The following SH3KBP1 variants were observed in gnomAD, a reference collection of about 807,000 sequenced individuals.
SH3KBP1 encodes the protein SH3 domain containing kinase binding protein 1.
In SH3KBP1, 8 loss-of-function variants were observed where a neutral mutation model predicts 50.1. The ratio of observed to expected loss-of-function variants is 0.16; its 90% CI spans 0.09 to 0.29. The LOEUF is 0.29. Among genes scored for constraint, SH3KBP1 ranks in the 10% least tolerant of loss-of-function variants. The pLI is 1.00. For missense variants in SH3KBP1, 377 were observed against 535.2 expected (o/e 0.70, Z 2.92); for synonymous variants, 227 against 218.6 (o/e 1.04, Z -0.34).
chrX:19,713,220 AAAAAC>A (rs2063820865), intron 3 of SH3KBP1, among the ~76,000 whole-genome samples: 1 of 110,976 alleles, frequency 9.0e-6, no homozygotes, highest in Admixed American at 9.5e-5. Context: ...CTGTCTCAAA[AAAAAC>A]AAAACAAACA....
chrX:19,856,019 T>C (rs142745357), intron 1 of SH3KBP1, among the ~76,000 whole-genome samples: 11 of 111,322 alleles, frequency 9.9e-5, no homozygotes, highest in Admixed American at 3.8e-4. Flanking sequence ...ACTTAGGGTT[T>C]CTGCAGATAG....
chrX:19,885,823 G>A (rs1318987054), intron 1 of SH3KBP1, among the ~76,000 whole-genome samples: 1 of 111,175 alleles, frequency 9.0e-6, no homozygotes, highest in East Asian at 2.8e-4. Flanking sequence ...CAAAACAAGA[G>A]TGAGCTAAGT....
intron 2 of SH3KBP1, among the ~76,000 whole-genome samples, chrX:19,818,942 A>T (rs1051259037): frequency 2.7e-5 from 3 of 111,964 alleles, no homozygotes; most frequent in African/African-American, 9.7e-5. Flanking sequence ...GAATTGGGAC[A>T]CATTCCCTCC....
intron 2 of SH3KBP1, among the ~76,000 whole-genome samples, chrX:19,828,734 T>C (rs1476754654): frequency 9.0e-6 from 1 of 111,439 alleles, no homozygotes; most frequent in African/African-American, 3.3e-5. Flanking sequence ...CAGTGAGCTA[T>C]GATCCCACCC....
intron 8 of SH3KBP1, among the ~76,000 whole-genome samples, chrX:19,621,854 G>A (rs755098992): frequency 2.7e-5 from 3 of 111,294 alleles, no homozygotes; most frequent in East Asian, 2.8e-4. Flanking sequence ...ATCCTTATAC[G>A]CATCCATGCA....
At chrX:19,629,128 A>G (rs999900320) in intron 8 of SH3KBP1, among the ~76,000 whole-genome samples, 2 of 110,355 alleles carry the variant, frequency 1.8e-5, no homozygotes, top group Admixed American at 9.7e-5. Flanking sequence ...AAAGCAAAAC[A>G]AACAAAAAAT....
intron 2 of SH3KBP1, among the ~76,000 whole-genome samples, chrX:19,779,877 G>A (rs1418708113): frequency 1.5e-4 from 15 of 96,868 alleles, no homozygotes; most frequent in East Asian, 3.4e-4. Context: ...GAATAATGCC[G>A]CAATAAACAT....
chrX:19,676,860 G>T (rs1429577818), intron 6 of SH3KBP1, among the ~76,000 whole-genome samples: 1 of 112,129 alleles, frequency 8.9e-6, no homozygotes, highest in Non-Finnish European at 1.9e-5. Context: ...TGAAAAAGAG[G>T]CTGTTACAAA....
At chrX:19,677,233 C>T (rs2062950008) in intron 6 of SH3KBP1, among the ~76,000 whole-genome samples, 1 of 111,369 alleles carries the variant, frequency 9.0e-6, no homozygotes, top group Non-Finnish European at 1.9e-5. Flanking sequence ...CCTGACACTC[C>T]TTTCCCTAAG....
chrX:19,756,381 G>A (rs1466716888), intron 2 of SH3KBP1, among the ~76,000 whole-genome samples: 3 of 110,981 alleles, frequency 2.7e-5, no homozygotes, highest in African/African-American at 9.8e-5. Context: ...GGGGCTATGA[G>A]GACCCCAAGA....
intron 2 of SH3KBP1, among the ~76,000 whole-genome samples, chrX:19,797,205 T>A: frequency 9.0e-6 from 1 of 111,560 alleles, no homozygotes; most frequent in Non-Finnish European, 1.9e-5. Flanking sequence ...AATGTGGTGA[T>A]GTGATGGGAA....
intron 2 of SH3KBP1, among the ~76,000 whole-genome samples, chrX:19,763,210 A>T (rs969986799): frequency 8.9e-6 from 1 of 111,775 alleles, no homozygotes; most frequent in African/African-American, 3.3e-5. Context: ...CTGGGTCAAC[A>T]ACTTGGTGCA....
rs1336079086 is a variant in SH3KBP1, at chrX:19,736,704, C to T, written c.286+9614G>A. ...TTTGGGTACAACAGTCTTAAGGCTT[C>T]AGAAGCACAAAAAGCCAAGAATCCA... On this transcript the variant is annotated intron_variant, in intron 3 of 17. Transcript: ENST00000397821. Among the ~76,000 whole-genome samples the T allele has an allele frequency of 3.6e-5, 4 of 111,304 alleles. No homozygotes were observed. In the East Asian group the frequency reaches 1.1e-3, roughly 31 times the overall value.
intron 12 of SH3KBP1, chrX:19,588,243 G>A (rs1489459188): frequency 4.8e-5 from 37 of 770,816 alleles, no homozygotes; most frequent in Middle Eastern, 4.8e-4. Context: ...GTCAGGGGTC[G>A]TAGCCACACA....
At chrX:19,592,353 T>C (rs1044710327) in intron 10 of SH3KBP1, among the ~76,000 whole-genome samples, 1 of 111,946 alleles carries the variant, frequency 8.9e-6, no homozygotes, top group African/African-American at 3.3e-5. Flanking sequence ...CACCTGCCTA[T>C]GTATCCTTAA....
chrX:19,670,839 C>CAAAAAAAAAAA lies in SH3KBP1; in HGVS notation c.726+12973_726+12983dup, dbSNP rs397973698. On this transcript the variant is annotated intron_variant, in intron 6 of 17. Transcript: ENST00000397821. ...ACTGGATTTATTACAACTCTAAAAG[C>CAAAAAAAAAAA]AAAAAAAAAAAAAAAGAAATACCTC... is the stretch of plus-strand genomic sequence containing the variant. The CAAAAAAAAAAA allele has an allele frequency of 9.5e-3, 9,385 of 982,972 alleles. 238 individuals carry two copies. The highest frequency in any genetic ancestry group is 0.018 in the African/African-American group (518 of 28,615). 81.0% of individuals were successfully genotyped at this position (982,972 alleles called of 1,213,427 possible). A position where few individuals can be genotyped will look rare whatever the true frequency, so the allele number is the denominator to read the frequency against.
intron 3 of SH3KBP1, among the ~76,000 whole-genome samples, chrX:19,725,365 G>A (rs1463717031): frequency 9.1e-6 from 1 of 109,864 alleles, no homozygotes; most frequent in East Asian, 2.8e-4. Context: ...AGCTACTCGG[G>A]TAGGCTGAGG....
At chrX:19,790,916 G>C (rs746502863) in intron 2 of SH3KBP1, among the ~76,000 whole-genome samples, 1 of 110,752 alleles carries the variant, frequency 9.0e-6, no homozygotes, top group African/African-American at 3.3e-5. Context: ...GCATGTCATC[G>C]AATACTCCCA....
intron 3 of SH3KBP1, among the ~76,000 whole-genome samples, chrX:19,722,531 G>GTTGTGTGTGTGTGT (rs2064084743): frequency 9.9e-6 from 1 of 101,036 alleles, no homozygotes; most frequent in African/African-American, 3.8e-5. Context: ...CAGCTGCACT[G>GTTGTGTGTGTGTGT]GTGTGTGTGT....
Sources: gnomAD v4.1 joint callset for allele counts (sites outside exome capture counted in the v4.1 genomes callset) on GRCh38, gnomAD v4.1.1 for gene constraint, MANE v1.5 for transcripts, NCBI Gene and HGNC (gene_info 2026-07-23, HGNC 2026-07-21) for gene names.